The following CLMN variants were observed in gnomAD, a reference collection of about 807,000 sequenced individuals.
The protein encoded by CLMN is calmin, also known as calmin (calponin-like, transmembrane).
A neutral mutation model predicts 92.7 loss-of-function variants in CLMN; 57 were observed. That is an observed-to-expected ratio of 0.61 (90% CI 0.50 to 0.77). CLMN has a LOEUF of 0.77. Among genes scored for constraint, CLMN ranks in the 30% least tolerant of loss-of-function variants. The pLI is 0.00. For synonymous variants in CLMN, 466 were observed against 470.6 expected (o/e 0.99, Z 0.13); for missense variants, 1,158 against 1,237.5 (o/e 0.94, Z 0.96).
intron 1 of CLMN, among the ~76,000 whole-genome samples, chr14:95,245,233 A>G (rs1249552570): frequency 5.9e-4 from 21 of 35,678 alleles, no homozygotes; most frequent in Non-Finnish European, 8.2e-4. Context: ...TATTATATAT[A>G]TATATTATAT....
At chr14:95,248,283 A>T (rs1898652353) in intron 1 of CLMN, among the ~76,000 whole-genome samples, 1 of 152,238 alleles carries the variant, frequency 6.6e-6, no homozygotes, top group Admixed American at 6.5e-5. Flanking sequence ...AGAAAATATA[A>T]AATGCCAAAA....
intron 1 of CLMN, among the ~76,000 whole-genome samples, chr14:95,316,607 C>T (rs950517887): frequency 6.6e-6 from 1 of 152,188 alleles, no homozygotes; most frequent in African/African-American, 2.4e-5. Flanking sequence ...ATTTCAGAAT[C>T]CTACAGTTCA....
At chr14:95,202,739 C>T in intron 9 of CLMN, 99 bp downstream of exon 9, 2 of 1,303,460 alleles carry the variant, frequency 1.5e-6, no homozygotes, top group Non-Finnish European at 1.0e-6. Context: ...GGGAAGCCCC[C>T]TCATCGCTAT....
rs770648096 is a variant in CLMN, at chr14:95,191,702, T to A, written c.2871A>T (p.Ser957=). The A allele has an allele frequency of 6.2e-7, 1 of 1,611,922 alleles. No individual in the cohort carries two copies. Among genetic ancestry groups the A allele is most frequent in the Non-Finnish European group, 8.5e-7 (1 of 1,179,582 alleles). ...CACTCTGCGGGCTGTGGCTCCCCAGTGACATGGCTTCTCCTGAGCTGTTGG... is the reference window on the plus strand; with the variant it reads ...CACTCTGCGGGCTGTGGCTCCCCAGAGACATGGCTTCTCCTGAGCTGTTGG... ...RKANSSGEAM[S]LGSHSPQSDS... The change falls in exon 13 of 13, where the codon TCA becomes TCT. Residue 957 remains serine (S), a synonymous_variant. Coordinates refer to ENST00000298912, the MANE Select transcript of CLMN (RefSeq NM_024734.4). The surrounding 1 kb of genome is among the most constrained non-coding windows in gnomAD (Gnocchi z 5.3).
chr14:95,250,022 G>A (rs898050140), intron 1 of CLMN, among the ~76,000 whole-genome samples: 7 of 146,182 alleles, frequency 4.8e-5, no homozygotes, highest in African/African-American at 8.1e-5. Flanking sequence ...GTGTGCCCCC[G>A]TTCCCATTCC....
At chr14:95,204,515 C>CA (rs756084645) in intron 8 of CLMN, 52 bp from the exon 9 acceptor site, 59 of 1,442,352 alleles carry the variant, frequency 4.1e-5, no homozygotes, top group Middle Eastern at 1.9e-4. Context: ...AGAACAACAA[C>CA]AAAAAAAAGC....
chr14:95,267,533 A>T (rs1265781359), intron 1 of CLMN, among the ~76,000 whole-genome samples: 1 of 152,176 alleles, frequency 6.6e-6, no homozygotes, highest in Admixed American at 6.5e-5. Context: ...ACAGGAAATA[A>T]CGGATGCTGG....
At chr14:95,274,714 C>T (rs1445646702) in intron 1 of CLMN, among the ~76,000 whole-genome samples, 3 of 152,236 alleles carry the variant, frequency 2.0e-5, no homozygotes, top group Non-Finnish European at 4.4e-5. Context: ...GGCGCGGTGG[C>T]TCACGCCTGT....
At chr14:95,211,896 C>G (rs993866840) in intron 6 of CLMN, among the ~76,000 whole-genome samples, 6 of 152,256 alleles carry the variant, frequency 3.9e-5, no homozygotes, top group East Asian at 1.9e-4. Context: ...CTTTTCATGG[C>G]GGTGGTGTAC....
At chr14:95,285,198 C>T (rs1900294051) in intron 1 of CLMN, among the ~76,000 whole-genome samples, 1 of 152,182 alleles carries the variant, frequency 6.6e-6, no homozygotes, top group African/African-American at 2.4e-5. Flanking sequence ...CTGAGGCCTC[C>T]TTAGCCATGT....
chr14:95,204,437 T>A lies in CLMN; in HGVS notation c.912A>T (p.Glu304Asp), dbSNP rs778631597. Residue 304 changes from glutamate to aspartate, a missense_variant, in exon 9 of 13, where the codon GAA (glutamate) becomes GAT (aspartate). Transcript: ENST00000298912. The stretch of plus-strand genomic sequence containing the variant: ...GAACAAAAGTGGATTCGATAGGAAC[T>A]TCTTTATCTGAATCGAAAATATCTT... ...EAEDIFDSDK[E>D]VPIESTFVRI... The A allele has an allele frequency of 8.3e-6, 13 of 1,570,598 alleles. No individual in the cohort carries two copies. The South Asian group carries it at 1.4e-4, about 17-fold the overall frequency.
At chr14:95,299,205 C>G (rs929483908) in intron 1 of CLMN, among the ~76,000 whole-genome samples, 19 of 152,070 alleles carry the variant, frequency 1.2e-4, no homozygotes, top group African/African-American at 4.3e-4. Context: ...TGTGCTCCCC[C>G]CAACCCCACC....
At chr14:95,239,018 T>A (rs1898155344) in intron 1 of CLMN, among the ~76,000 whole-genome samples, 2 of 152,244 alleles carry the variant, frequency 1.3e-5, no homozygotes, top group Non-Finnish European at 2.9e-5. Flanking sequence ...TGAGTTATTC[T>A]GTCTAACCTC....
chr14:95,276,725 T>G (rs1899943346), intron 1 of CLMN, among the ~76,000 whole-genome samples: 1 of 152,176 alleles, frequency 6.6e-6, no homozygotes, highest in Admixed American at 6.5e-5. Flanking sequence ...CACCCCACTT[T>G]GAATGGATTA....
intron 1 of CLMN, among the ~76,000 whole-genome samples, chr14:95,275,365 A>T (rs970962885): frequency 2.0e-5 from 3 of 152,132 alleles, no homozygotes; most frequent in Non-Finnish European, 4.4e-5. Context: ...CTAAAATGAC[A>T]ATGAAAGTGA....
At chr14:95,260,936 A>T (rs1170625612) in intron 1 of CLMN, among the ~76,000 whole-genome samples, 1 of 152,010 alleles carries the variant, frequency 6.6e-6, no homozygotes, top group Admixed American at 6.6e-5. Flanking sequence ...CTGGTTACAA[A>T]TTTTTTCCAA....
chr14:95,218,332 T>C (rs1324481375), intron 4 of CLMN, among the ~76,000 whole-genome samples: 1 of 152,048 alleles, frequency 6.6e-6, no homozygotes, highest in African/African-American at 2.4e-5. Context: ...CTCAGAGAAG[T>C]TGAATAACTT....
In CLMN at chr14:95,294,159, G is replaced by A. The variant is rs543283157; in HGVS notation, c.82+25552C>T. Among the ~76,000 whole-genome samples, 85 of 152,358 alleles carry A rather than the reference G, an allele frequency of 5.6e-4. No individual in the cohort carries two copies. The highest frequency in any genetic ancestry group is 2.0e-3 in the African/African-American group (84 of 41,586). ...CCTGCCTGCCAAAGAATGGGTGGGG[G>A]AGTGGGCTGGATTCACTTATATTTC... On this transcript the variant is annotated intron_variant, in intron 1 of 12. Coordinates refer to ENST00000298912, the MANE Select transcript of CLMN (RefSeq NM_024734.4). This position sits in a 1 kb window ranked among gnomAD's most constrained non-coding sequence, Gnocchi z 4.2.
At chr14:95,274,969 ACT>A (rs1899868315) in intron 1 of CLMN, among the ~76,000 whole-genome samples, 1 of 133,814 alleles carries the variant, frequency 7.5e-6, no homozygotes. Context: ...ACAGGGCAAC[ACT>A]CTGTCTCAAA....
Sources: allele counts gnomAD v4.1 joint callset (sites outside exome capture counted in the v4.1 genomes callset), GRCh38; gene constraint gnomAD v4.1.1; non-coding constraint Gnocchi (gnomAD v3.1); transcripts MANE v1.5; gene names NCBI Gene and HGNC (gene_info 2026-07-23, HGNC 2026-07-21).